PIEZO2: variants seen among roughly 807,000 people sequenced by gnomAD.
PIEZO2 encodes piezo type mechanosensitive ion channel component 2, also known as piezo-type mechanosensitive ion channel component 2.
In PIEZO2, 172 loss-of-function variants were observed where a neutral mutation model predicts 337.3. That is an observed-to-expected ratio of 0.51 (90% CI 0.45 to 0.58). The LOEUF (loss-of-function observed/expected upper bound fraction) is 0.58. PIEZO2 is among the 20% of genes least tolerant of loss of function. The probability of loss-of-function intolerance (pLI) is 0.00; values close to 1 mark genes in which losing one functional copy is unlikely to be tolerated. For synonymous variants in PIEZO2, 1,251 were observed against 1,228.5 expected (o/e 1.02, Z -0.38); for missense variants, 3,028 against 3,391.3 (o/e 0.89, Z 2.66).
At chr18:11,026,793 T>G (rs1179717582) in intron 2 of PIEZO2, among the ~76,000 whole-genome samples, 1 of 152,192 alleles carries the variant, frequency 6.6e-6, no homozygotes, top group African/African-American at 2.4e-5. Context: ...GGTTAACAGA[T>G]CTGTCACCCA....
intron 35 of PIEZO2, among the ~76,000 whole-genome samples, chr18:10,733,904 C>T (rs2036890802): frequency 6.6e-6 from 1 of 152,222 alleles, no homozygotes; most frequent in Admixed American, 6.5e-5. Flanking sequence ...CTACCAGTAG[C>T]ATGCGTTCCT....
intron 2 of PIEZO2, among the ~76,000 whole-genome samples, chr18:11,041,097 G>A (rs1413973965): frequency 6.6e-6 from 1 of 152,134 alleles, no homozygotes; most frequent in Admixed American, 6.5e-5. Flanking sequence ...GACAGTCCAA[G>A]GCAGGTGGGA....
chr18:10,975,237 C>A (rs2034398349), intron 3 of PIEZO2, among the ~76,000 whole-genome samples: 1 of 152,218 alleles, frequency 6.6e-6, no homozygotes, highest in African/African-American at 2.4e-5. Flanking sequence ...AGAATCCAGA[C>A]TGGCCTTCAA....
At chr18:10,805,626 T>C (rs2144314865) in intron 8 of PIEZO2, among the ~76,000 whole-genome samples, 1 of 152,390 alleles carries the variant, frequency 6.6e-6, no homozygotes, top group Non-Finnish European at 1.5e-5. Flanking sequence ...TTAATGATTC[T>C]ACTGGCACAG....
At chr18:10,771,056 G>A (rs534067176) in intron 20 of PIEZO2, among the ~76,000 whole-genome samples, 15 of 152,216 alleles carry the variant, frequency 9.9e-5, no homozygotes, top group African/African-American at 2.9e-4. Flanking sequence ...TTACTCTTAA[G>A]ACCAAACTAT....
chr18:11,057,203 C>A (rs968096499), intron 2 of PIEZO2, among the ~76,000 whole-genome samples: 2 of 152,140 alleles, frequency 1.3e-5, no homozygotes, highest in South Asian at 2.1e-4. Flanking sequence ...TGGCTCCCCC[C>A]AGCCTTCCTG....
Position 11,099,913 on chromosome 18 carries a change from T to C in PIEZO2, c.65-33691A>G, listed in dbSNP as rs2039362067. Among the ~76,000 whole-genome samples, 1 of 152,226 alleles carries C rather than the reference T, an allele frequency of 6.6e-6. No homozygotes were observed. Among genetic ancestry groups the C allele is most frequent in the Non-Finnish European group, 1.5e-5 (1 of 68,040 alleles). On this transcript the variant is annotated intron_variant, in intron 1 of 55. Coordinates refer to ENST00000674853, the MANE Select transcript of PIEZO2 (RefSeq NM_001378183.1). The surrounding 1 kb of genome is among the most constrained non-coding windows in gnomAD (Gnocchi z 5.4). ...AGCTGAGTTGTTATAATCTCTTATG[T>C]ATCATAGAAACCAAGCCTTTGTTAA...
chr18:10,849,703 G>A (rs747349333), intron 7 of PIEZO2, among the ~76,000 whole-genome samples: 2 of 152,170 alleles, frequency 1.3e-5, no homozygotes, highest in Non-Finnish European at 2.9e-5. Flanking sequence ...TTCCATTCTT[G>A]CTTCCTGTCT....
chr18:10,732,471 T>C (rs1360907287), intron 35 of PIEZO2, among the ~76,000 whole-genome samples: 1 of 152,212 alleles, frequency 6.6e-6, no homozygotes, highest in East Asian at 1.9e-4. Flanking sequence ...AGCAAATCAG[T>C]GGCATTGTGA....
At position 11,021,683 on chromosome 18, in the gene PIEZO2, A is replaced by G. The variant is rs2036319005; in HGVS notation, c.161-42023T>C. 6.6e-6 allele frequency among the ~76,000 whole-genome samples: 1 copy of G among 152,222 alleles called. No individual in the cohort carries two copies. Among genetic ancestry groups the G allele is most frequent in the African/African-American group, 2.4e-5 (1 of 41,466 alleles). ...CTCGTGCTGTAACTGCACTGATGGA[A>G]TGAATGAGAAAACCACGTCCCTCCC... is the stretch of plus-strand genomic sequence containing the variant. On this transcript the variant is annotated intron_variant, in intron 2 of 55. Coordinates refer to ENST00000674853, the MANE Select transcript of PIEZO2 (RefSeq NM_001378183.1). The surrounding 1 kb of genome is among the most constrained non-coding windows in gnomAD (Gnocchi z 4.7).
At position 10,855,323 on chromosome 18, in the gene PIEZO2, TC is replaced by T; in HGVS notation, c.917+29del. 1 of 1,504,030 alleles carries T rather than the reference TC, an allele frequency of 6.6e-7. No individual in the cohort carries two copies. Among genetic ancestry groups the T allele is most frequent in the Non-Finnish European group, 9.0e-7 (1 of 1,116,976 alleles). The allele number at this position is 1,504,030 out of a possible 1,614,324, so 93.2% of individuals were successfully genotyped here. A position where few individuals can be genotyped will look rare whatever the true frequency, so the allele number is the denominator to read the frequency against. ...CCCAAAGGCGTGGGGGGACAACCTC[TC>T]CTGGAAATGCCATAAGGATTTCTCT... On this transcript the variant is annotated intron_variant, in intron 7 of 55. Coordinates refer to ENST00000674853, the MANE Select transcript of PIEZO2 (RefSeq NM_001378183.1). The surrounding 1 kb of genome is among the most constrained non-coding windows in gnomAD (Gnocchi z 4.9).
chr18:10,881,401 C>T (rs938592960), intron 4 of PIEZO2, among the ~76,000 whole-genome samples: 12 of 152,176 alleles, frequency 7.9e-5, no homozygotes, highest in African/African-American at 2.7e-4. Context: ...TATGAGGCAG[C>T]AGGTCTGTTA....
chr18:11,076,028 C>G (rs1380184030), intron 1 of PIEZO2, among the ~76,000 whole-genome samples: 3 of 152,116 alleles, frequency 2.0e-5, no homozygotes, highest in Admixed American at 2.0e-4. Context: ...CCTTGTGAGC[C>G]ACCCACCTCG....
In PIEZO2 at chr18:10,782,773, G is replaced by A. The variant is rs1023507468; in HGVS notation, c.2492+2011C>T. Among the ~76,000 whole-genome samples, 135 of 151,936 alleles carry A rather than the reference G, an allele frequency of 8.9e-4. 2 individuals carry two copies. Among genetic ancestry groups the A allele is most frequent in the African/African-American group, 3.0e-3 (124 of 41,408 alleles). On this transcript the variant is annotated intron_variant, in intron 17 of 55. Transcript: ENST00000674853. ...GGGTAAGGGCTGTGAAGCGGCAGCT[G>A]AGGAAACATAGAACCTACATCTTGA... is the stretch of plus-strand genomic sequence containing the variant.
rs1450541838 is a variant in PIEZO2, at chr18:10,819,734, A to G, written c.918-12460T>C. Among the ~76,000 whole-genome samples the G allele has an allele frequency of 6.6e-6, 1 of 152,226 alleles. No homozygotes were observed. Among genetic ancestry groups the G allele is most frequent in the African/African-American group, 2.4e-5 (1 of 41,454 alleles). Reference sequence around the variant, plus strand: ...ACATAATATCTTCACAAAACTTCATACAGAGATAGAAAAAAGGTGAATCTC... The same window carrying G: ...ACATAATATCTTCACAAAACTTCATGCAGAGATAGAAAAAAGGTGAATCTC... On this transcript the variant is annotated intron_variant, in intron 7 of 55. Transcript: ENST00000674853. This position sits in a 1 kb window ranked among gnomAD's most constrained non-coding sequence, Gnocchi z 4.3.
At chr18:11,013,806 T>A (rs1032062) in intron 2 of PIEZO2, among the ~76,000 whole-genome samples, 48,939 of 152,084 alleles carry the variant, frequency 0.32, 8,140 homozygotes, top group Non-Finnish European at 0.36. Flanking sequence ...CACCAGGAGA[T>A]GCCCATTACA....
rs368655432 is a variant in PIEZO2, at chr18:10,943,007, G to A, written c.287-31779C>T. On this transcript the variant is annotated intron_variant, in intron 3 of 55. Transcript: ENST00000674853. The surrounding 1 kb of genome is among the most constrained non-coding windows in gnomAD (Gnocchi z 4.5). ...TTCCACATGGTGTTGAGTAGTCTGCGAGTGCACAAAAGTAAAGAACTGGGG... is the reference window on the plus strand; with the variant it reads ...TTCCACATGGTGTTGAGTAGTCTGCAAGTGCACAAAAGTAAAGAACTGGGG... Among the ~76,000 whole-genome samples, 1 of 152,172 alleles carries A rather than the reference G, an allele frequency of 6.6e-6. No individual in the cohort carries two copies. The highest frequency in any genetic ancestry group is 1.5e-5 in the Non-Finnish European group (1 of 68,032).
intron 26 of PIEZO2, among the ~76,000 whole-genome samples, chr18:10,758,448 T>TTGTG (rs756862482): frequency 1.3e-4 from 19 of 151,572 alleles, no homozygotes; most frequent in Non-Finnish European, 2.1e-4. Context: ...GGTAACATTT[T>TTGTG]TGTGTGTGTG....
intron 3 of PIEZO2, among the ~76,000 whole-genome samples, chr18:10,924,596 G>A (rs2031614988): frequency 6.6e-6 from 1 of 152,162 alleles, no homozygotes; most frequent in Non-Finnish European, 1.5e-5. Flanking sequence ...CACATGCAAA[G>A]TCGACCAACA....
Sources: allele counts gnomAD v4.1 joint callset (sites outside exome capture counted in the v4.1 genomes callset), GRCh38; gene constraint gnomAD v4.1.1; non-coding constraint Gnocchi (gnomAD v3.1); transcripts MANE v1.5; gene names NCBI Gene and HGNC (gene_info 2026-07-23, HGNC 2026-07-21).